Variants in THRB observed in about 807,000 individuals in gnomAD.
THRB encodes the protein thyroid hormone receptor beta.
In THRB, 12 loss-of-function variants were observed where a neutral mutation model predicts 47.8. That is an observed-to-expected ratio of 0.25 (90% CI 0.16 to 0.41). THRB has a LOEUF of 0.41. Among genes scored for constraint, THRB ranks in the 10% least tolerant of loss-of-function variants. The probability of loss-of-function intolerance (pLI) is 1.00; values close to 1 mark genes in which losing one functional copy is unlikely to be tolerated. For synonymous variants in THRB, 218 were observed against 212.2 expected (o/e 1.03, Z -0.24); for missense variants, 348 against 589.2 (o/e 0.59, Z 4.24).
intron 1 of THRB, among the ~76,000 whole-genome samples, chr3:24,426,227 T>A (rs2069744826): frequency 6.6e-6 from 1 of 151,976 alleles, no homozygotes; most frequent in South Asian, 2.1e-4. Context: ...GTAATCATTA[T>A]AATTAAATAA....
At chr3:24,282,020 G>C (rs1380160504) in intron 3 of THRB, among the ~76,000 whole-genome samples, 3 of 129,966 alleles carry the variant, frequency 2.3e-5, no homozygotes, top group Admixed American at 7.5e-5. Flanking sequence ...ACATTAGACA[G>C]ATCAACGAGA....
At chr3:24,473,985 A>G (rs1695085062) in intron 1 of THRB, among the ~76,000 whole-genome samples, 1 of 152,190 alleles carries the variant, frequency 6.6e-6, no homozygotes, top group African/African-American at 2.4e-5. Flanking sequence ...GGGGAGGGAT[A>G]GCATTAGAAG....
intron 5 of THRB, among the ~76,000 whole-genome samples, chr3:24,163,884 G>A (rs769363326): frequency 2.0e-5 from 3 of 151,886 alleles, no homozygotes; most frequent in African/African-American, 7.3e-5. Context: ...TTGTTCATTT[G>A]TTTTCATAAC....
chr3:24,173,674 A>G (rs1351912689), intron 5 of THRB, among the ~76,000 whole-genome samples: 1 of 152,152 alleles, frequency 6.6e-6, no homozygotes. Flanking sequence ...CTATCCCTGG[A>G]CAGTTCTTTT....
intron 1 of THRB, among the ~76,000 whole-genome samples, chr3:24,446,307 C>G (rs1032256842): frequency 3.9e-5 from 6 of 152,126 alleles, no homozygotes; most frequent in Non-Finnish European, 7.4e-5. Context: ...GTCCCAGAAG[C>G]CATCTCTCTA....
chr3:24,398,215 T>C, intron 1 of THRB, among the ~76,000 whole-genome samples: 1 of 152,004 alleles, frequency 6.6e-6, no homozygotes, highest in Non-Finnish European at 1.5e-5. Flanking sequence ...ACCTAGGTCA[T>C]TGAAAATGAC....
intron 2 of THRB, among the ~76,000 whole-genome samples, chr3:24,328,750 C>G (rs1356381406): frequency 1.3e-5 from 2 of 152,220 alleles, no homozygotes; most frequent in Non-Finnish European, 2.9e-5. Flanking sequence ...CCACTGTGGC[C>G]AATCTTACCT....
At chr3:24,201,544 A>G (rs1396636747) in intron 4 of THRB, among the ~76,000 whole-genome samples, 1 of 152,094 alleles carries the variant, frequency 6.6e-6, no homozygotes, top group East Asian at 1.9e-4. Flanking sequence ...TTCTAGGGGC[A>G]CAGTCTCCAT....
chr3:24,349,998 C>T (rs2149528130), intron 1 of THRB, among the ~76,000 whole-genome samples: 1 of 152,002 alleles, frequency 6.6e-6, no homozygotes. Flanking sequence ...GAATCATATT[C>T]AGAATATATA....
At chr3:24,284,776 T>A (rs889186104) in intron 3 of THRB, among the ~76,000 whole-genome samples, 5 of 150,490 alleles carry the variant, frequency 3.3e-5, no homozygotes, top group Non-Finnish European at 7.4e-5. Flanking sequence ...GCAGAGGACA[T>A]GAACAGACAC....
intron 3 of THRB, among the ~76,000 whole-genome samples, chr3:24,233,618 A>AAAGAAAGAAAGAAAGAGC (rs1234779231): frequency 2.0e-5 from 3 of 152,148 alleles, no homozygotes; most frequent in Admixed American, 6.5e-5. Flanking sequence ...AAAGAAAGAG[A>AAAGAAAGAAAGAAAGAGC]AAGAGCCTGT....
At chr3:24,145,428 C>T (rs1016366769) in intron 7 of THRB, among the ~76,000 whole-genome samples, 5 of 152,190 alleles carry the variant, frequency 3.3e-5, no homozygotes, top group Admixed American at 6.5e-5. Flanking sequence ...ACACTAGTAT[C>T]TTAAACTTCT....
chr3:24,428,407 T>A (rs2069997865), intron 1 of THRB, among the ~76,000 whole-genome samples: 1 of 152,080 alleles, frequency 6.6e-6, no homozygotes, highest in Non-Finnish European at 1.5e-5. Context: ...CATATGTATT[T>A]CCATTGCAAG....
Position 24,143,491 on chromosome 3 carries a change from G to A in THRB, c.738+10C>T. 1 of 1,613,950 alleles carries A rather than the reference G, an allele frequency of 6.2e-7. No individual in the cohort carries two copies. Among genetic ancestry groups the A allele is most frequent in the Non-Finnish European group, 8.5e-7 (1 of 1,179,802 alleles). ...TATAAGTGAAACTGATCTGTGCAAGGAAGCCTTACCAGGAATTTCCGTTTT... is the reference window on the plus strand; with the variant it reads ...TATAAGTGAAACTGATCTGTGCAAGAAAGCCTTACCAGGAATTTCCGTTTT... On this transcript the variant is annotated intron_variant, in intron 8 of 10. Transcript: ENST00000646209.
intron 1 of THRB, among the ~76,000 whole-genome samples, chr3:24,358,893 T>C (rs2063877930): frequency 6.6e-6 from 1 of 152,184 alleles, no homozygotes; most frequent in East Asian, 1.9e-4. Context: ...TAAAAGAACT[T>C]AGCTCTCTTG....
chr3:24,203,439 A>C (rs1046633847), intron 4 of THRB, among the ~76,000 whole-genome samples: 2 of 152,176 alleles, frequency 1.3e-5, no homozygotes, highest in African/African-American at 4.8e-5. Context: ...CATTATGTCT[A>C]AATGAATAGG....
intron 4 of THRB, among the ~76,000 whole-genome samples, chr3:24,208,118 A>G (rs2045600507): frequency 6.6e-6 from 1 of 152,054 alleles, no homozygotes; most frequent in Non-Finnish European, 1.5e-5. Context: ...AAAATAAAAT[A>G]CCTAGGAATC....
intron 2 of THRB, among the ~76,000 whole-genome samples, chr3:24,332,575 C>A (rs2061992893): frequency 6.6e-6 from 1 of 152,220 alleles, no homozygotes; most frequent in Non-Finnish European, 1.5e-5. Context: ...CCAGCCCTGC[C>A]ACTGTGACAG....
intron 1 of THRB, among the ~76,000 whole-genome samples, chr3:24,438,716 A>G (rs1417670288): frequency 6.6e-6 from 1 of 152,096 alleles, no homozygotes; most frequent in African/African-American, 2.4e-5. Flanking sequence ...TTCTTTACTT[A>G]GTTATAAAGG....
Sources: gnomAD v4.1 joint callset for allele counts (sites outside exome capture counted in the v4.1 genomes callset) on GRCh38, gnomAD v4.1.1 for gene constraint, MANE v1.5 for transcripts, NCBI Gene and HGNC (gene_info 2026-07-23, HGNC 2026-07-21) for gene names.